The following TMEM163 variants were observed in gnomAD, a reference collection of about 807,000 sequenced individuals.
The protein encoded by TMEM163 is transmembrane protein 163.
TMEM163 carries 17 observed loss-of-function variants against 29.3 expected under a neutral mutation model. The ratio of observed to expected loss-of-function variants is 0.58; its 90% confidence interval spans 0.40 to 0.87. The LOEUF (loss-of-function observed/expected upper bound fraction) is 0.87, where lower values mean the gene tolerates loss of function less well. TMEM163 is among the 40% of genes least tolerant of loss of function. The pLI is 0.00. For missense variants in TMEM163, 303 were observed against 381.5 expected (o/e 0.79, Z 1.71); for synonymous variants, 157 against 160.6 (o/e 0.98, Z 0.17).
At chr2:134,662,845 G>A (rs58914814) in intron 2 of TMEM163, among the ~76,000 whole-genome samples, 16,021 of 152,176 alleles carry the variant, frequency 0.11, 1,011 homozygotes, top group South Asian at 0.17. Flanking sequence ...ATGCCTGGCA[G>A]ACTTGAGGCT....
At chr2:134,503,280 A>G (rs662362) in intron 4 of TMEM163, among the ~76,000 whole-genome samples, 60,399 of 152,046 alleles carry the variant, frequency 0.4, 12,206 homozygotes, top group South Asian at 0.59. Context: ...CTTCAAGGCC[A>G]TGAAATCTTT....
At chr2:134,521,551 CT>C (rs1257584559) in intron 4 of TMEM163, among the ~76,000 whole-genome samples, 4 of 152,178 alleles carry the variant, frequency 2.6e-5, no homozygotes, top group African/African-American at 9.7e-5. Context: ...AAACCCTGCT[CT>C]AAGTCATTTT....
At chr2:134,497,037 T>G (rs1679582186) in intron 5 of TMEM163, among the ~76,000 whole-genome samples, 1 of 152,146 alleles carries the variant, frequency 6.6e-6, no homozygotes, top group Non-Finnish European at 1.5e-5. Context: ...AGTGTCTGCT[T>G]ACTGGGGAAG....
chr2:134,581,211 T>C (rs1337960463), intron 2 of TMEM163, among the ~76,000 whole-genome samples: 5 of 152,158 alleles, frequency 3.3e-5, no homozygotes, highest in African/African-American at 1.2e-4. Flanking sequence ...TTAACCTTGA[T>C]CTTCCTTTTT....
chr2:134,713,082 C>A, intron 2 of TMEM163, 118 bp downstream of exon 2: 1 of 1,449,828 alleles, frequency 6.9e-7, no homozygotes, highest in Non-Finnish European at 9.3e-7. Context: ...ATCCAACAAT[C>A]TAAAAAAATT....
At chr2:134,711,499 A>G (rs1684926948) in intron 2 of TMEM163, among the ~76,000 whole-genome samples, 1 of 152,368 alleles carries the variant, frequency 6.6e-6, no homozygotes, top group East Asian at 1.9e-4. Context: ...GCTAGAAGTT[A>G]GAGGATTTAA....
chr2:134,712,047 C>T (rs1001642552), intron 2 of TMEM163, among the ~76,000 whole-genome samples: 1 of 152,124 alleles, frequency 6.6e-6, no homozygotes, highest in Non-Finnish European at 1.5e-5. Context: ...TAGCTATTTT[C>T]AGGAATCAGA....
intron 5 of TMEM163, among the ~76,000 whole-genome samples, chr2:134,498,314 G>A (rs984024633): frequency 6.0e-5 from 9 of 150,256 alleles, no homozygotes; most frequent in African/African-American, 2.2e-4. Context: ...ACACTGTCCT[G>A]CTGCAGTCTC....
At chr2:134,595,761 A>G (rs1682063578) in intron 2 of TMEM163, among the ~76,000 whole-genome samples, 1 of 152,168 alleles carries the variant, frequency 6.6e-6, no homozygotes, top group Non-Finnish European at 1.5e-5. Flanking sequence ...ATTTCTCCAC[A>G]TGCTCTCCAG....
chr2:134,543,132 C>G (rs941998439), intron 4 of TMEM163, among the ~76,000 whole-genome samples: 2 of 152,166 alleles, frequency 1.3e-5, no homozygotes, highest in African/African-American at 2.4e-5. Flanking sequence ...ATAACAGGAA[C>G]CAAGCCTACA....
chr2:134,495,032 A>T (rs1471262380), intron 5 of TMEM163, among the ~76,000 whole-genome samples: 1 of 152,158 alleles, frequency 6.6e-6, no homozygotes, highest in Non-Finnish European at 1.5e-5. Flanking sequence ...CCTGCCTCCA[A>T]AGGGTTGCCG....
chr2:134,604,597 A>T (rs1336955186), intron 2 of TMEM163, among the ~76,000 whole-genome samples: 1 of 152,180 alleles, frequency 6.6e-6, no homozygotes, highest in Non-Finnish European at 1.5e-5. Context: ...GGGCAAAACC[A>T]TGGGAATTGG....
intron 4 of TMEM163, among the ~76,000 whole-genome samples, chr2:134,516,730 TG>T (rs1680074201): frequency 1.2e-4 from 15 of 120,510 alleles, no homozygotes; most frequent in South Asian, 8.6e-4. Flanking sequence ...TTCATATATA[TG>T]CATATATATG....
chr2:134,650,383 G>C lies in TMEM163; in HGVS notation c.322+62817C>G, dbSNP rs944658050. Among the ~76,000 whole-genome samples the C allele has an allele frequency of 2.0e-5, 3 of 152,016 alleles. No individual in the cohort carries two copies. In the East Asian group the frequency reaches 5.8e-4, roughly 29 times the overall value. Reference sequence around the variant, plus strand: ...ATAAGGTTGAAGCAGCAAGATTATAGGTGATGATATAAATCAAACTTGAAA... The same window carrying C: ...ATAAGGTTGAAGCAGCAAGATTATACGTGATGATATAAATCAAACTTGAAA... On this transcript the variant is annotated intron_variant, in intron 2 of 7. Coordinates refer to ENST00000281924, the MANE Select transcript of TMEM163 (RefSeq NM_030923.5).
intron 2 of TMEM163, among the ~76,000 whole-genome samples, chr2:134,680,291 AG>A (rs1684201085): frequency 6.6e-6 from 1 of 152,160 alleles, no homozygotes; most frequent in Non-Finnish European, 1.5e-5. Flanking sequence ...TTTACCCTCA[AG>A]GGATAGATAA....
chr2:134,554,664 C>T (rs748073699), intron 2 of TMEM163, among the ~76,000 whole-genome samples: 38 of 152,264 alleles, frequency 2.5e-4, no homozygotes, highest in Non-Finnish European at 3.8e-4. Context: ...AACCTTGTCT[C>T]AGGAATCTGG....
At chr2:134,713,133 C>T in intron 2 of TMEM163, 67 bp downstream of exon 2, 2 of 1,573,494 alleles carry the variant, frequency 1.3e-6, no homozygotes, top group Non-Finnish European at 1.7e-6. Context: ...AAGCACATCC[C>T]ACAGGAATTA....
At chr2:134,592,853 TAC>T (rs1558956918) in intron 2 of TMEM163, among the ~76,000 whole-genome samples, 19 of 151,050 alleles carry the variant, frequency 1.3e-4, no homozygotes, top group South Asian at 6.3e-4. Flanking sequence ...TATATAGAGA[TAC>T]AGATATTAAT....
chr2:134,506,088 C>T (rs551030738), intron 4 of TMEM163, among the ~76,000 whole-genome samples: 16 of 152,286 alleles, frequency 1.1e-4, no homozygotes, highest in African/African-American at 1.4e-4. Flanking sequence ...GGTAAGGCAG[C>T]TCTGAAATAT....
Sources: allele counts gnomAD v4.1 joint callset (sites outside exome capture counted in the v4.1 genomes callset), GRCh38; gene constraint gnomAD v4.1.1; transcripts MANE v1.5; gene names NCBI Gene and HGNC (gene_info 2026-07-23, HGNC 2026-07-21).